Variants in SLC25A21 observed in about 807,000 individuals in gnomAD.
The protein encoded by SLC25A21 is solute carrier family 25 member 21, also known as mitochondrial 2-oxodicarboxylate carrier.
In SLC25A21, 47 loss-of-function variants were observed where a neutral mutation model predicts 43.8. That is an observed-to-expected ratio of 1.07 (90% confidence interval 0.85 to 1.37). The LOEUF (loss-of-function observed/expected upper bound fraction) is 1.37. Among genes scored for constraint, SLC25A21 ranks in the 40% most tolerant of loss-of-function variants. SLC25A21 has a pLI of 0.00. For synonymous variants in SLC25A21, 131 were observed against 121.3 expected (o/e 1.08, Z -0.52); for missense variants, 352 against 350.2 (o/e 1.00, Z -0.04).
intron 1 of SLC25A21, among the ~76,000 whole-genome samples, chr14:36,908,887 G>GC (rs1891604688): frequency 6.6e-6 from 1 of 152,116 alleles, no homozygotes; most frequent in African/African-American, 2.4e-5. Flanking sequence ...AAGGTAACTA[G>GC]CATAATTGAT....
chr14:36,732,844 C>A (rs1047273772), intron 4 of SLC25A21, among the ~76,000 whole-genome samples: 5 of 152,168 alleles, frequency 3.3e-5, no homozygotes, highest in African/African-American at 1.2e-4. Flanking sequence ...ATACACTTAA[C>A]TCCAAGTTAT....
chr14:36,808,445 A>C (rs1317727964), intron 3 of SLC25A21, among the ~76,000 whole-genome samples: 1 of 152,186 alleles, frequency 6.6e-6, no homozygotes, highest in Non-Finnish European at 1.5e-5. Flanking sequence ...TTCATACATT[A>C]CTTGAAGGAG....
intron 1 of SLC25A21, among the ~76,000 whole-genome samples, chr14:36,982,943 C>A (rs1204013749): frequency 6.6e-6 from 1 of 152,038 alleles, no homozygotes. Flanking sequence ...CTTTCCCAAG[C>A]CTAAATTAAA....
chr14:36,944,174 T>C (rs1892630150), intron 1 of SLC25A21, among the ~76,000 whole-genome samples: 1 of 152,152 alleles, frequency 6.6e-6, no homozygotes, highest in South Asian at 2.1e-4. Context: ...TGGCCAGTTG[T>C]CAAGGTCATA....
rs749664916 is a variant in SLC25A21 at position 36,684,897 on chromosome 14, A to T, written c.632T>A (p.Phe211Tyr). 2 of 1,609,604 alleles carry T rather than the reference A, an allele frequency of 1.2e-6. No homozygotes were observed. Among genetic ancestry groups the T allele is most frequent in the Non-Finnish European group, 1.7e-6 (2 of 1,178,936 alleles). Residue 211 changes from phenylalanine to tyrosine, a missense_variant, in exon 8 of 10, where the codon TTT (phenylalanine) becomes TAT (tyrosine). Phe to Tyr is a conservative substitution (Grantham distance 22, BLOSUM62 3). Coordinates refer to ENST00000331299, the MANE Select transcript of SLC25A21 (RefSeq NM_030631.4). ...TGTCCCCGAGAGAAGACCAATCCCA[A>T]ATTTTCTCCAAAACTCCAAGATTGG... is the stretch of plus-strand genomic sequence containing the variant. The part of the protein sequence containing the change: ...KDPILEFWRK[F>Y]GIGLLSGTIA...
chr14:36,853,295 TAAGTA>T (rs140529120), intron 2 of SLC25A21, among the ~76,000 whole-genome samples: 11,116 of 152,194 alleles, frequency 0.073, 564 homozygotes, highest in East Asian at 0.21. Flanking sequence ...ATGCTGTACT[TAAGTA>T]AAGCATTTTA....
intron 1 of SLC25A21, among the ~76,000 whole-genome samples, chr14:37,108,147 T>G (rs1007939012): frequency 6.6e-6 from 1 of 152,208 alleles, no homozygotes; most frequent in Non-Finnish European, 1.5e-5. Flanking sequence ...TGTGGCAGTA[T>G]GTAGAAGAAT....
intron 6 of SLC25A21, among the ~76,000 whole-genome samples, chr14:36,712,582 A>G (rs927574041): frequency 6.6e-6 from 1 of 152,218 alleles, no homozygotes; most frequent in Non-Finnish European, 1.5e-5. Flanking sequence ...AAACATTTAA[A>G]TGAGCTTGTT....
At chr14:37,151,317 G>A (rs76381079) in intron 1 of SLC25A21, among the ~76,000 whole-genome samples, 5 of 152,152 alleles carry the variant, frequency 3.3e-5, no homozygotes, top group African/African-American at 4.8e-5. Context: ...TTAACAATAC[G>A]TGAGGGTGGA....
intron 1 of SLC25A21, among the ~76,000 whole-genome samples, chr14:37,057,826 T>C (rs1348446667): frequency 6.6e-6 from 1 of 152,234 alleles, no homozygotes; most frequent in Non-Finnish European, 1.5e-5. Flanking sequence ...TAACAACATA[T>C]GCATATTAAG....
chr14:36,902,342 G>A (rs776603056), intron 1 of SLC25A21, among the ~76,000 whole-genome samples: 14 of 152,102 alleles, frequency 9.2e-5, no homozygotes, highest in Non-Finnish European at 1.9e-4. Flanking sequence ...GATTACACAG[G>A]TAGGGTCAAA....
rs1421795603 is a variant in SLC25A21, at chr14:36,679,642, T to TAATA, written c.*1012_*1015dup. On this transcript the variant is annotated 3_prime_UTR_variant, in exon 10 of 10. Coordinates refer to ENST00000331299, the MANE Select transcript of SLC25A21 (RefSeq NM_030631.4). The stretch of plus-strand genomic sequence containing the variant: ...CATTTCCCCTTCATCATACATATTT[T>TAATA]AATACTGCAGACAGCTGACTTCCCA... The TAATA allele has an allele frequency of 1.0e-6, 1 of 985,314 alleles. No individual in the cohort carries two copies. The highest frequency in any genetic ancestry group is 1.2e-6 in the Non-Finnish European group (1 of 829,912). The allele number at this position is 985,314 out of a possible 1,614,324, so 61.0% of individuals were successfully genotyped here.
intron 4 of SLC25A21, among the ~76,000 whole-genome samples, chr14:36,730,197 G>A (rs568772294): frequency 6.6e-6 from 1 of 152,192 alleles, no homozygotes; most frequent in Non-Finnish European, 1.5e-5. Context: ...GATGAAGATC[G>A]TGAAGGTATT....
chr14:36,998,314 C>T (rs1229237342), intron 1 of SLC25A21, among the ~76,000 whole-genome samples: 1 of 152,092 alleles, frequency 6.6e-6, no homozygotes, highest in Non-Finnish European at 1.5e-5. Flanking sequence ...TTTAGAGTAA[C>T]AGAAAATATG....
At chr14:37,136,715 T>C (rs965023174) in intron 1 of SLC25A21, among the ~76,000 whole-genome samples, 1 of 105,430 alleles carries the variant, frequency 9.5e-6, no homozygotes, top group Non-Finnish European at 2.5e-5. Flanking sequence ...GGGAATATTA[T>C]TCAGCAATTG....
At chr14:36,801,023 C>T (rs918849454) in intron 3 of SLC25A21, among the ~76,000 whole-genome samples, 1 of 152,082 alleles carries the variant, frequency 6.6e-6, no homozygotes, top group African/African-American at 2.4e-5. Context: ...TTTTAGGCTT[C>T]GTTAGGGAGA....
At chr14:36,786,431 T>C (rs1887252303) in intron 3 of SLC25A21, among the ~76,000 whole-genome samples, 1 of 152,222 alleles carries the variant, frequency 6.6e-6, no homozygotes, top group East Asian at 1.9e-4. Flanking sequence ...TTCTGCAATA[T>C]TTCTGCAATT....
At chr14:37,036,617 T>C (rs1248526186) in intron 1 of SLC25A21, among the ~76,000 whole-genome samples, 4 of 152,096 alleles carry the variant, frequency 2.6e-5, no homozygotes, top group African/African-American at 9.7e-5. Flanking sequence ...AATTCCAAAA[T>C]GCCTAACCCT....
chr14:36,767,244 C>A (rs1886450691), intron 3 of SLC25A21, among the ~76,000 whole-genome samples: 1 of 152,242 alleles, frequency 6.6e-6, no homozygotes, highest in African/African-American at 2.4e-5. Context: ...AAAAAGTGCT[C>A]AAAAAATTAA....
Sources: allele counts gnomAD v4.1 joint callset (sites outside exome capture counted in the v4.1 genomes callset), GRCh38; gene constraint gnomAD v4.1.1; transcripts MANE v1.5; gene names NCBI Gene and HGNC (gene_info 2026-07-23, HGNC 2026-07-21).